Variants in DNASE1 observed in about 807,000 individuals in gnomAD.
DNASE1 encodes deoxyribonuclease-1.
In DNASE1, 40 loss-of-function variants were observed where a neutral mutation model predicts 33.9. That is an observed-to-expected ratio of 1.18 (90% confidence interval 0.92 to 1.54). DNASE1 has a LOEUF of 1.54. Among genes scored for constraint, DNASE1 ranks in the 40% most tolerant of loss-of-function variants. DNASE1 has a pLI of 0.00. For synonymous variants in DNASE1, 216 were observed against 160.0 expected, an observed-to-expected ratio of 1.35 and a Z score of -2.64; for missense variants, 518 against 372.6, an observed-to-expected ratio of 1.39 and a Z score of -3.21.
upstream of DNASE1, chr16:3,650,998 A>C (rs536521375): frequency 6.6e-6 from 1 of 152,206 alleles, no homozygotes; most frequent in Non-Finnish European, 1.5e-5. Context: ...ATTCAGAAGG[A>C]TCTGATGGTG....
At chr16:3,662,130 C>G (rs1245485705), downstream of DNASE1, 17 of 1,610,660 alleles carry the variant, frequency 1.1e-5, no homozygotes, top group Non-Finnish European at 1.4e-5. Flanking sequence ...GTCGGAGGGT[C>G]ACCTGTGAGC....
intron 1 of DNASE1, among the ~76,000 whole-genome samples, chr16:3,621,160 A>G (rs372443126): frequency 2.6e-4 from 40 of 152,180 alleles, no homozygotes; most frequent in Non-Finnish European, 3.7e-4. Flanking sequence ...CAGTGGCACG[A>G]GCATAGACTC....
chr16:3,613,226 A>G (rs761441954), intron 1 of DNASE1, among the ~76,000 whole-genome samples: 1 of 152,120 alleles, frequency 6.6e-6, no homozygotes, highest in Non-Finnish European at 1.5e-5. Context: ...AAATGGGATC[A>G]TGTGATACTT....
chr16:3,653,806 C>CAAAAAAAAAAAAAAAAAAAAAAAAAAAA (rs71133649), upstream of DNASE1: 4 of 37,038 alleles, frequency 1.1e-4, no homozygotes, highest in Admixed American at 5.1e-4. Context: ...GATTCCGCCT[C>CAAAAAAAAAAAAAAAAAAAAAAAAAAAA]AAAAAAAAAA....
At chr16:3,631,668 A>G (rs2041705447) in intron 1 of DNASE1, among the ~76,000 whole-genome samples, 1 of 151,918 alleles carries the variant, frequency 6.6e-6, no homozygotes, top group South Asian at 2.1e-4. Context: ...GATTATAAGC[A>G]CGCACTACCA....
At chr16:3,616,139 C>T (rs921933005) in intron 1 of DNASE1, among the ~76,000 whole-genome samples, 1 of 152,184 alleles carries the variant, frequency 6.6e-6, no homozygotes, top group African/African-American at 2.4e-5. Context: ...AGTTACACTG[C>T]ATTTCTTTCA....
At chr16:3,638,891 A>G (rs1339275517), upstream of DNASE1, among the ~76,000 whole-genome samples, 1 of 152,140 alleles carries the variant, frequency 6.6e-6, no homozygotes, top group Non-Finnish European at 1.5e-5. Flanking sequence ...TGTTAATCCC[A>G]TCCAGTGCAT....
chr16:3,643,403 A>T (rs528473500), intron 1 of DNASE1, among the ~76,000 whole-genome samples: 2 of 152,336 alleles, frequency 1.3e-5, no homozygotes, highest in African/African-American at 4.8e-5. Flanking sequence ...GCAGGGCCCT[A>T]AGAAATATCC....
intron 1 of DNASE1, among the ~76,000 whole-genome samples, chr16:3,643,700 G>A (rs1450589035): frequency 6.6e-6 from 1 of 152,176 alleles, no homozygotes; most frequent in Admixed American, 6.5e-5. Context: ...CTGAGATACG[G>A]TTTTTGGACA....
At chr16:3,640,287 G>T (rs893648947), upstream of DNASE1, among the ~76,000 whole-genome samples, 1 of 152,190 alleles carries the variant, frequency 6.6e-6, no homozygotes, top group African/African-American at 2.4e-5. Context: ...ACCCTCTGCA[G>T]ATCCTGGCTC....
At chr16:3,640,852 G>A (rs569695854), upstream of DNASE1, 21 of 398,560 alleles carry the variant, frequency 5.3e-5, no homozygotes, top group Admixed American at 1.8e-4. Context: ...AGGCACCTCC[G>A]AAGATCAGCA....
chr16:3,620,804 T>G (rs2041281507), intron 1 of DNASE1, among the ~76,000 whole-genome samples: 1 of 151,420 alleles, frequency 6.6e-6, no homozygotes, highest in African/African-American at 2.4e-5. Flanking sequence ...TTTTAAAAAG[T>G]TTATTATTTA....
chr16:3,664,244 C>A (rs556749922), exon 10 of DNASE1: 3 of 1,523,842 alleles, frequency 2.0e-6, no homozygotes, highest in Admixed American at 2.3e-5. Flanking sequence ...TTGCAGCCCC[C>A]GGAGCCCGCC....
rs8176925 is a variant in DNASE1, at chr16:3,657,163, G to C, written c.550-24G>C. 4.5e-4 allele frequency: 721 copies of C among 1,614,142 alleles called. 1 individual carries two copies. In the African/African-American group the frequency reaches 8.9e-3, roughly 20 times the overall value. On this transcript the variant is annotated intron_variant, in intron 6 of 8. Transcript: ENST00000246949. ...ACCAGCGGCCTCCGCATGTCCCAGG[G>C]CCACAGGCAGCGTTTCCTGGTAGGA... is the stretch of plus-strand genomic sequence containing the variant.
At chr16:3,644,518 G>T (rs989654830) in intron 1 of DNASE1, among the ~76,000 whole-genome samples, 1 of 152,156 alleles carries the variant, frequency 6.6e-6, no homozygotes, top group Non-Finnish European at 1.5e-5. Flanking sequence ...AGCCAAGATT[G>T]CACCCCTGCA....
At chr16:3,658,178 A>G (rs757753463), downstream of DNASE1, 17 of 1,613,918 alleles carry the variant, frequency 1.1e-5, no homozygotes, top group East Asian at 8.9e-5. Flanking sequence ...GCGGCCCACC[A>G]TGGCCCTAGG....
chr16:3,612,970 G>C (rs1291202157), intron 1 of DNASE1, among the ~76,000 whole-genome samples: 1 of 152,070 alleles, frequency 6.6e-6, no homozygotes, highest in African/African-American at 2.4e-5. Flanking sequence ...CAGTTTGCAG[G>C]GCAGACAATA....
At chr16:3,661,607 C>T (rs1416998833), downstream of DNASE1, 10 of 200,622 alleles carry the variant, frequency 5.0e-5, no homozygotes, top group Non-Finnish European at 1.0e-5. Flanking sequence ...TTGTGGCAGC[C>T]CCTCTGCATG....
At chr16:3,655,805 G>A (rs1567208930) in intron 2 of DNASE1, 44 bp from the exon 3 acceptor site, 10 of 1,605,828 alleles carry the variant, frequency 6.2e-6, no homozygotes, top group Middle Eastern at 1.8e-4. Context: ...AGGGTCCCTG[G>A]GTGGCACCAG....
Sources: gnomAD v4.1 joint callset for allele counts (sites outside exome capture counted in the v4.1 genomes callset) on GRCh38, gnomAD v4.1.1 for gene constraint, MANE v1.5 for transcripts, NCBI Gene and HGNC (gene_info 2026-07-23, HGNC 2026-07-21) for gene names.